FHIT: variants seen among roughly 807,000 people sequenced by gnomAD.
FHIT encodes the protein bis(5'-adenosyl)-triphosphatase.
FHIT carries 19 observed loss-of-function variants against 17.9 expected under a neutral mutation model. That is an observed-to-expected ratio of 1.06 (90% CI 0.74 to 1.56). The LOEUF (loss-of-function observed/expected upper bound fraction) is 1.56. Ranked by LOEUF, FHIT falls within the 40% of genes most tolerant of loss-of-function variation. FHIT has a pLI of 0.00. For missense variants in FHIT, 248 were observed against 189.2 expected (o/e 1.31, Z -1.82); for synonymous variants, 81 against 69.7 (o/e 1.16, Z -0.81).
intron 4 of FHIT, chr3:60,553,404 C>T (rs766018883): frequency 1.6e-5 from 16 of 974,750 alleles, no homozygotes; most frequent in Middle Eastern, 5.2e-4. Context: ...ATTGATCCGA[C>T]GGAGACCTTT....
intron 2 of FHIT, among the ~76,000 whole-genome samples, chr3:61,151,320 C>A (rs1479435101): frequency 6.6e-6 from 1 of 152,204 alleles, no homozygotes; most frequent in East Asian, 1.9e-4. Flanking sequence ...AATGACTCTG[C>A]AGCTACCCTT....
intron 3 of FHIT, among the ~76,000 whole-genome samples, chr3:60,919,646 T>C (rs1270295713): frequency 2.0e-5 from 3 of 152,104 alleles, no homozygotes; most frequent in African/African-American, 7.2e-5. Flanking sequence ...AGATAACCAA[T>C]ATACAAACAA....
In FHIT at chr3:60,598,351, A is replaced by T. The variant is rs1576947066; in HGVS notation, c.-17-61372T>A. Among the ~76,000 whole-genome samples, 7 of 152,322 alleles carry T rather than the reference A, an allele frequency of 4.6e-5. 1 individual carries two copies. The highest frequency in any genetic ancestry group is 4.6e-4 in the Admixed American group (7 of 15,294). On this transcript the variant is annotated intron_variant, in intron 4 of 9. Coordinates refer to ENST00000492590, the MANE Select transcript of FHIT (RefSeq NM_002012.4). ...GTTTTCTCTCCTCTCAGAATTATTA[A>T]TAAACTTACCATATTTTGGTTAAAA...
intron 2 of FHIT, among the ~76,000 whole-genome samples, chr3:61,194,882 G>T (rs1016334870): frequency 2.0e-5 from 3 of 151,892 alleles, no homozygotes; most frequent in Non-Finnish European, 4.4e-5. Context: ...CAAATGCAAA[G>T]TATTATTATT....
rs77774105 is a variant in FHIT, at chr3:60,471,160, G to A, written c.103+65700C>T. ...CAAAGGGAAGAAGGAGCTGCCTGGA[G>A]CTGTGAGCTGTGTTGCCTAGAGTTA... On this transcript the variant is annotated intron_variant, in intron 5 of 9. Coordinates refer to ENST00000492590, the MANE Select transcript of FHIT (RefSeq NM_002012.4). Among the ~76,000 whole-genome samples, 246 of 152,250 alleles carry A rather than the reference G, an allele frequency of 1.6e-3. 5 individuals carry two copies. Among genetic ancestry groups the A allele is most frequent in the African/African-American group, 3.6e-3 (149 of 41,538 alleles).
chr3:59,801,896 G>C (rs1365632933), intron 8 of FHIT, among the ~76,000 whole-genome samples: 1 of 152,138 alleles, frequency 6.6e-6, no homozygotes, highest in Non-Finnish European at 1.5e-5. Context: ...GTCTTTTTCT[G>C]ACCACAACCT....
intron 4 of FHIT, among the ~76,000 whole-genome samples, chr3:60,538,344 T>G (rs2107602175): frequency 6.6e-6 from 1 of 152,228 alleles, no homozygotes; most frequent in Non-Finnish European, 1.5e-5. Context: ...GAACCAGTAT[T>G]GAGAAAATGG....
chr3:60,206,964 C>T (rs762827346), intron 5 of FHIT, among the ~76,000 whole-genome samples: 2 of 152,222 alleles, frequency 1.3e-5, no homozygotes, highest in East Asian at 3.9e-4. Flanking sequence ...AGATACCTCC[C>T]ACTAGACCCA....
chr3:60,839,276 AT>A (rs1553744455), intron 3 of FHIT, among the ~76,000 whole-genome samples: 1 of 152,128 alleles, frequency 6.6e-6, no homozygotes, highest in Non-Finnish European at 1.5e-5. Context: ...ACGTATCAAA[AT>A]TTAGTTTATG....
At chr3:61,061,716 T>C (rs1243739196) in intron 2 of FHIT, among the ~76,000 whole-genome samples, 1 of 152,134 alleles carries the variant, frequency 6.6e-6, no homozygotes, top group Admixed American at 6.5e-5. Flanking sequence ...GGGAGGAATA[T>C]TGTAACTCCC....
chr3:60,057,141 G>A (rs147053907), intron 5 of FHIT, among the ~76,000 whole-genome samples: 2 of 152,274 alleles, frequency 1.3e-5, no homozygotes, highest in Non-Finnish European at 2.9e-5. Flanking sequence ...TTCACTTTGT[G>A]AACACCTACT....
In FHIT at chr3:61,158,513, C is replaced by T. The variant is rs200218451; in HGVS notation, c.-164+42104G>A. Among the ~76,000 whole-genome samples the T allele has an allele frequency of 2.1e-4, 32 of 152,304 alleles. No homozygotes were observed. The East Asian group carries it at 5.4e-3, about 26-fold the overall frequency. On this transcript the variant is annotated intron_variant, in intron 2 of 9. Transcript: ENST00000492590. ...TCACATGGGCATTTCATCTCTTGCT[C>T]TTTAATGGAGGCAGTCCTTGTACCC...
chr3:60,079,247 G>C (rs1306742986), intron 5 of FHIT, among the ~76,000 whole-genome samples: 1 of 152,120 alleles, frequency 6.6e-6, no homozygotes, highest in Non-Finnish European at 1.5e-5. Flanking sequence ...GCAGGCCGCA[G>C]AGACAATGCT....
chr3:60,691,999 A>C (rs2041003087), intron 4 of FHIT, among the ~76,000 whole-genome samples: 2 of 152,204 alleles, frequency 1.3e-5, no homozygotes, highest in South Asian at 4.1e-4. Context: ...TGCCAAGAAA[A>C]AGATGAAGAT....
rs974979925 is a variant in FHIT, at chr3:61,119,326, C to T, written c.-163-77227G>A. Among the ~76,000 whole-genome samples, 6 of 151,994 alleles carry T rather than the reference C, an allele frequency of 3.9e-5. No individual in the cohort carries two copies. In the South Asian group the frequency reaches 6.2e-4, roughly 16 times the overall value. On this transcript the variant is annotated intron_variant, in intron 2 of 9. Transcript: ENST00000492590. ...CTCCACCTCCCAGGGTCAAGCGATT[C>T]CCTGCTTCAGCCTCCTGAGCAGCTG... is the stretch of plus-strand genomic sequence containing the variant.
At chr3:60,085,006 T>C (rs1240253010) in intron 5 of FHIT, among the ~76,000 whole-genome samples, 5 of 152,202 alleles carry the variant, frequency 3.3e-5, no homozygotes, top group Non-Finnish European at 7.3e-5. Context: ...TTGAGTTATA[T>C]GCCAAACACC....
chr3:60,290,238 G>A (rs1336610702), intron 5 of FHIT, among the ~76,000 whole-genome samples: 3 of 152,242 alleles, frequency 2.0e-5, no homozygotes, highest in Admixed American at 2.0e-4. Context: ...AGAGTACTGT[G>A]CTTGACAGCT....
intron 5 of FHIT, among the ~76,000 whole-genome samples, chr3:60,483,979 G>A (rs1324931268): frequency 6.6e-6 from 1 of 152,092 alleles, no homozygotes; most frequent in African/African-American, 2.4e-5. Flanking sequence ...TTTCAGTAAA[G>A]TCTCAGGATA....
At chr3:60,959,969 C>CA (rs782672799) in intron 3 of FHIT, among the ~76,000 whole-genome samples, 12 of 150,774 alleles carry the variant, frequency 8.0e-5, no homozygotes, top group Admixed American at 2.0e-4. Context: ...ATAGACAAAG[C>CA]AAAAAATATA....
Sources: allele counts gnomAD v4.1 joint callset (sites outside exome capture counted in the v4.1 genomes callset), GRCh38; gene constraint gnomAD v4.1.1; transcripts MANE v1.5; gene names NCBI Gene and HGNC (gene_info 2026-07-23, HGNC 2026-07-21).